Variants in ZNF385B observed in about 807,000 individuals in gnomAD.
ZNF385B encodes zinc finger protein 385B.
ZNF385B carries 23 observed loss-of-function variants against 39.2 expected under a neutral mutation model. The ratio of observed to expected loss-of-function variants is 0.59; its 90% CI spans 0.42 to 0.83. The LOEUF is 0.83. Ranked by LOEUF, ZNF385B falls within the 40% of genes least tolerant of loss-of-function variation. The pLI, the probability that ZNF385B is intolerant of heterozygous loss-of-function variation, is 0.00. For missense variants in ZNF385B, 552 were observed against 598.9 expected (o/e 0.92, Z 0.82); for synonymous variants, 205 against 222.6 (o/e 0.92, Z 0.70).
At chr2:179,718,659 G>A (rs1402646594) in intron 3 of ZNF385B, among the ~76,000 whole-genome samples, 3 of 150,630 alleles carry the variant, frequency 2.0e-5, no homozygotes, top group Non-Finnish European at 4.4e-5. Context: ...TGAGAATTAT[G>A]AATGCCTGGC....
chr2:179,592,075 C>A (rs757805515), intron 3 of ZNF385B, among the ~76,000 whole-genome samples: 1 of 152,188 alleles, frequency 6.6e-6, no homozygotes. Context: ...ACTAAACCTG[C>A]ACATGCTCCA....
chr2:179,751,359 C>A (rs1209814957), intron 3 of ZNF385B, among the ~76,000 whole-genome samples: 3 of 152,054 alleles, frequency 2.0e-5, no homozygotes, highest in Non-Finnish European at 2.9e-5. Flanking sequence ...AAGAAACTAT[C>A]ATACTTTCAA....
At chr2:179,487,715 G>A (rs933484769) in intron 5 of ZNF385B, among the ~76,000 whole-genome samples, 1 of 152,188 alleles carries the variant, frequency 6.6e-6, no homozygotes, top group Non-Finnish European at 1.5e-5. Context: ...TTGTCTAGCA[G>A]TAATGGCTTG....
intron 3 of ZNF385B, among the ~76,000 whole-genome samples, chr2:179,681,481 G>C (rs1464530832): frequency 6.6e-6 from 1 of 152,152 alleles, no homozygotes; most frequent in Non-Finnish European, 1.5e-5. Context: ...AGAAAAATAA[G>C]TGTTTTACAT....
intron 6 of ZNF385B, among the ~76,000 whole-genome samples, chr2:179,467,622 G>A (rs1230171281): frequency 6.6e-6 from 1 of 152,030 alleles, no homozygotes; most frequent in Non-Finnish European, 1.5e-5. Context: ...ACATTATCAT[G>A]CCTGTAGCTA....
chr2:179,472,963 C>T (rs765290577), intron 6 of ZNF385B, among the ~76,000 whole-genome samples: 2 of 152,196 alleles, frequency 1.3e-5, no homozygotes, highest in South Asian at 2.1e-4. Context: ...AGAGCTAAGA[C>T]AGTGTCTTCT....
intron 3 of ZNF385B, among the ~76,000 whole-genome samples, chr2:179,667,920 T>A (rs752436498): frequency 7.2e-5 from 11 of 152,310 alleles, no homozygotes; most frequent in Non-Finnish European, 1.3e-4. Context: ...ACTGTTGTAT[T>A]CTCAAAACAG....
chr2:179,772,172 C>CTA (rs910232192), intron 1 of ZNF385B, among the ~76,000 whole-genome samples: 3 of 151,994 alleles, frequency 2.0e-5, no homozygotes, highest in African/African-American at 7.3e-5. Context: ...GGAAATTATT[C>CTA]TACTTTTGAT....
intron 3 of ZNF385B, among the ~76,000 whole-genome samples, chr2:179,762,638 T>C (rs1703470347): frequency 6.6e-6 from 1 of 152,228 alleles, no homozygotes; most frequent in African/African-American, 2.4e-5. Flanking sequence ...GTTTATGAGA[T>C]ACTATTCTGT....
intron 5 of ZNF385B, among the ~76,000 whole-genome samples, chr2:179,491,167 T>C (rs2055180904): frequency 6.6e-6 from 1 of 152,194 alleles, no homozygotes; most frequent in Non-Finnish European, 1.5e-5. Context: ...ATGATTTTTA[T>C]TTAATGTCAC....
intron 1 of ZNF385B, among the ~76,000 whole-genome samples, chr2:179,851,741 A>C (rs1001178598): frequency 1.3e-5 from 2 of 152,226 alleles, no homozygotes; most frequent in African/African-American, 2.4e-5. Flanking sequence ...ACAAGAAAAA[A>C]TTCTATGGCT....
intron 5 of ZNF385B, among the ~76,000 whole-genome samples, chr2:179,493,643 ATATG>A: frequency 8.2e-6 from 1 of 121,428 alleles, no homozygotes; most frequent in Middle Eastern, 4.4e-3. Flanking sequence ...ATGTATACAC[ATATG>A]CGTATACATA....
intron 4 of ZNF385B, among the ~76,000 whole-genome samples, chr2:179,523,502 G>A (rs17815834): frequency 0.3 from 45,896 of 151,642 alleles, 7,177 homozygotes; most frequent in East Asian, 0.37. Context: ...CTTCACTAAA[G>A]GTAGGATGAA....
intron 3 of ZNF385B, among the ~76,000 whole-genome samples, chr2:179,585,496 T>C (rs1686989469): frequency 6.6e-6 from 1 of 152,238 alleles, no homozygotes; most frequent in East Asian, 1.9e-4. Flanking sequence ...ACTATGATTA[T>C]AGGGCTCCCT....
intron 1 of ZNF385B, among the ~76,000 whole-genome samples, chr2:179,801,724 A>AAGAGGC (rs1706048724): frequency 6.6e-6 from 1 of 152,178 alleles, no homozygotes; most frequent in East Asian, 1.9e-4. Flanking sequence ...AGTGTGATTT[A>AAGAGGC]AGAGGCAGGC....
At chr2:179,657,352 T>A (rs1307735780) in intron 3 of ZNF385B, among the ~76,000 whole-genome samples, 1 of 152,224 alleles carries the variant, frequency 6.6e-6, no homozygotes, top group African/African-American at 2.4e-5. Flanking sequence ...TGTTCCCAAC[T>A]GCTATGTGGC....
intron 3 of ZNF385B, among the ~76,000 whole-genome samples, chr2:179,563,487 T>C (rs955367326): frequency 1.3e-5 from 2 of 152,214 alleles, no homozygotes; most frequent in Admixed American, 1.3e-4. Flanking sequence ...TTTAGTGACG[T>C]ACAGAAAAAA....
At chr2:179,812,650 G>A (rs1706809757) in intron 1 of ZNF385B, among the ~76,000 whole-genome samples, 1 of 152,130 alleles carries the variant, frequency 6.6e-6, no homozygotes, top group Non-Finnish European at 1.5e-5. Flanking sequence ...AGAGCACAGA[G>A]GGAGAGAAGG....
chr2:179,564,915 TG>T lies in ZNF385B; in HGVS notation c.299-19947del, dbSNP rs1401236669. Among the ~76,000 whole-genome samples the T allele has an allele frequency of 3.3e-5, 5 of 152,190 alleles. No homozygotes were observed. In the East Asian group the frequency reaches 9.6e-4, roughly 29 times the overall value. On this transcript the variant is annotated intron_variant, in intron 3 of 9. Transcript: ENST00000410066. ...TCCCTAAAGGATATTTCTTCTCTGC[TG>T]GTCTTTACTTCCTTACATGCAGACT...
Sources: allele counts gnomAD v4.1 joint callset (sites outside exome capture counted in the v4.1 genomes callset), GRCh38; gene constraint gnomAD v4.1.1; transcripts MANE v1.5; gene names NCBI Gene and HGNC (gene_info 2026-07-23, HGNC 2026-07-21).